Variants in STKLD1 observed in about 807,000 individuals in gnomAD.
STKLD1 encodes the protein serine/threonine kinase-like domain-containing protein STKLD1.
Under a neutral mutation model 80.4 loss-of-function variants are expected in STKLD1, and 79 were observed. The ratio of observed to expected loss-of-function variants is 0.98; its 90% confidence interval spans 0.82 to 1.19. STKLD1 has a LOEUF of 1.19. Ranked by LOEUF, STKLD1 falls within the 50% of genes most tolerant of loss-of-function variation. The probability of loss-of-function intolerance (pLI) is 0.00; values close to 1 mark genes in which losing one functional copy is unlikely to be tolerated. For synonymous variants in STKLD1, 393 were observed against 357.6 expected, an observed-to-expected ratio of 1.10 and a Z score of -1.12; for missense variants, 841 against 856.0, an observed-to-expected ratio of 0.98 and a Z score of 0.22.
intron 4 of STKLD1, 88 bp from the exon 5 acceptor site, chr9:133,387,359 C>A (rs1838286699): frequency 1.6e-5 from 17 of 1,045,300 alleles, no homozygotes; most frequent in Non-Finnish European, 2.5e-5. Flanking sequence ...CAAATGGCAG[C>A]TGAGCGCAGG....
chr9:133,404,986 C>T, intron 17 of STKLD1, 57 bp downstream of exon 17: 2 of 1,592,368 alleles, frequency 1.3e-6, no homozygotes, highest in Non-Finnish European at 1.7e-6. Flanking sequence ...GGGTGCCCCG[C>T]TCCCCCTATA....
intron 5 of STKLD1, chr9:133,388,864 G>C: frequency 1.0e-6 from 1 of 985,404 alleles, no homozygotes; most frequent in Non-Finnish European, 1.2e-6. Flanking sequence ...CAGGCCCGGA[G>C]TGAGTTTCAG....
intron 8 of STKLD1, 82 bp from the exon 9 acceptor site, chr9:133,395,518 T>A: frequency 6.8e-7 from 1 of 1,465,944 alleles, no homozygotes; most frequent in South Asian, 1.3e-5. Context: ...GATTTCTTGG[T>A]CCCTGGTCGT....
chr9:133,403,869 G>T lies in STKLD1; in HGVS notation c.1603+41G>T, dbSNP rs377530250. 2.5e-5 allele frequency: 40 copies of T among 1,611,442 alleles called. No homozygotes were observed. The Admixed American group carries it at 3.0e-4, about 12-fold the overall frequency. On this transcript the variant is annotated intron_variant, in intron 15 of 17. Transcript: ENST00000371957. Reference sequence around the variant, plus strand: ...GCCCTGGGCCCCTGGGGCTGGGAGGGGTGGGCCTCATGGCACAGCAGGCAC... The same window carrying T: ...GCCCTGGGCCCCTGGGGCTGGGAGGTGTGGGCCTCATGGCACAGCAGGCAC...
intron 2 of STKLD1, among the ~76,000 whole-genome samples, chr9:133,380,228 G>T (rs1204400504): frequency 6.6e-6 from 1 of 152,080 alleles, no homozygotes; most frequent in African/African-American, 2.4e-5. Flanking sequence ...TAGAGACAGG[G>T]TTTCACCGTG....
At position 133,405,485 on chromosome 9, in the gene STKLD1, C is replaced by A; in HGVS notation, c.*64C>A. On this transcript the variant is annotated 3_prime_UTR_variant, in exon 18 of 18. Transcript: ENST00000371957. Reference sequence around the variant, plus strand: ...GTTTTCAAGACTGCTCTCCTGCCTGCCTATTATCCCATCTCTATGACTGGG... The same window carrying A: ...GTTTTCAAGACTGCTCTCCTGCCTGACTATTATCCCATCTCTATGACTGGG... 2.7e-6 allele frequency: 4 copies of A among 1,485,912 alleles called. No homozygotes were observed. The highest frequency in any genetic ancestry group is 2.7e-6 in the Non-Finnish European group (3 of 1,111,732). 92.0% of individuals were successfully genotyped at this position (1,485,912 alleles called of 1,614,324 possible).
intron 17 of STKLD1, 46 bp downstream of exon 17, chr9:133,404,975 G>A: frequency 1.3e-6 from 2 of 1,599,716 alleles, no homozygotes; most frequent in Non-Finnish European, 1.7e-6. Flanking sequence ...CCAGCGGTCA[G>A]GGGTGCCCCG....
At chr9:133,395,980 AC>A (rs35571893) in intron 9 of STKLD1, 1 of 456,184 alleles carries the variant, frequency 2.2e-6, no homozygotes, top group South Asian at 4.5e-5. Context: ...GAGCAGACTG[AC>A]CCCCAGGAGG....
At position 133,389,411 on chromosome 9, in the gene STKLD1, T is replaced by C; in HGVS notation, c.397-115T>C. 1 of 1,493,918 alleles carries C rather than the reference T, an allele frequency of 6.7e-7. No individual in the cohort carries two copies. The highest frequency in any genetic ancestry group is 9.0e-7 in the Non-Finnish European group (1 of 1,117,290). 92.5% of individuals were successfully genotyped at this position (1,493,918 alleles called of 1,614,324 possible). ...GAGCGCTTGGCTGGCTTCAGGCCTGTCTCAAGATGCAAGGAGAGGATACAC... is the reference window on the plus strand; with the variant it reads ...GAGCGCTTGGCTGGCTTCAGGCCTGCCTCAAGATGCAAGGAGAGGATACAC... On this transcript the variant is annotated intron_variant, in intron 5 of 17. Transcript: ENST00000371957. The surrounding 1 kb of genome is among the most constrained non-coding windows in gnomAD (Gnocchi z 6.4).
chr9:133,404,675 CTT>C, intron 16 of STKLD1, 112 bp from the exon 17 acceptor site: 1 of 1,452,790 alleles, frequency 6.9e-7, no homozygotes, highest in Non-Finnish European at 9.2e-7. Flanking sequence ...GGTCCCGTCT[CTT>C]GTCCTGTCCC....
Position 133,403,706 on chromosome 9 carries a change from T to A in STKLD1, c.1481T>A (p.Ile494Asn), listed in dbSNP as rs780131116. 1.7e-5 allele frequency: 27 copies of A among 1,613,342 alleles called. No homozygotes were observed. The highest frequency in any genetic ancestry group is 2.3e-5 in the Non-Finnish European group (27 of 1,179,704). ...LLWALLLDGI[I>N]VNKAPLEKVP... ...ATCCCTGTCCTCGTTCCAGGTATCATTGTGAACAAGGCCCCCTTGGAGAAG... is the reference window on the plus strand; with the variant it reads ...ATCCCTGTCCTCGTTCCAGGTATCAATGTGAACAAGGCCCCCTTGGAGAAG... The change falls in exon 15 of 18, where the codon ATT becomes AAT. Residue 494 changes from isoleucine to asparagine, a missense_variant. Coordinates refer to ENST00000371957, the MANE Select transcript of STKLD1 (RefSeq NM_153710.5).
At chr9:133,401,266 A>G (rs35764394) in intron 12 of STKLD1, among the ~76,000 whole-genome samples, 17,814 of 151,542 alleles carry the variant, frequency 0.12, 1,381 homozygotes, top group African/African-American at 0.22. Flanking sequence ...AGCCTCCTGA[A>G]TAGCTGGGAC....
At position 133,390,806 on chromosome 9, in the gene STKLD1, G is replaced by T; in HGVS notation, c.583+10G>T. 6.2e-7 allele frequency: 1 copy of T among 1,607,526 alleles called. No individual in the cohort carries two copies. Among genetic ancestry groups the T allele is most frequent in the South Asian group, 1.1e-5 (1 of 90,986 alleles). ...ATTCGTGCGGAGGAAGGTGGCAGGGGCTCCCCCAGGTTGTGGGAGAGGGGG... is the reference window on the plus strand; with the variant it reads ...ATTCGTGCGGAGGAAGGTGGCAGGGTCTCCCCCAGGTTGTGGGAGAGGGGG... On this transcript the variant is annotated intron_variant, in intron 7 of 17. Transcript: ENST00000371957. This position sits in a 1 kb window ranked among gnomAD's most constrained non-coding sequence, Gnocchi z 5.1.
At chr9:133,398,671 C>T (rs1838621365) in intron 11 of STKLD1, among the ~76,000 whole-genome samples, 1 of 152,038 alleles carries the variant, frequency 6.6e-6, no homozygotes, top group Non-Finnish European at 1.5e-5. Context: ...CCTAGCTACT[C>T]AGGAGGCTGA....
intron 1 of STKLD1, among the ~76,000 whole-genome samples, chr9:133,377,116 T>C (rs1267821003): frequency 6.6e-6 from 1 of 152,150 alleles, no homozygotes; most frequent in East Asian, 1.9e-4. Context: ...TTTTGTCACT[T>C]TGGAAGAATT....
In STKLD1 at chr9:133,404,329, G is replaced by A. The variant is rs192728480; in HGVS notation, c.1732+281G>A. On this transcript the variant is annotated intron_variant, in intron 16 of 17. Transcript: ENST00000371957. ...AGGTTTCCTAACATGCAGGCACACC[G>A]TGACTGATCAAAACAGCTCTGCAAA... 3.9e-4 allele frequency among the ~76,000 whole-genome samples: 59 copies of A among 152,196 alleles called. No individual in the cohort carries two copies. The East Asian group carries it at 8.3e-3, about 21-fold the overall frequency.
At chr9:133,400,571 C>T (rs190082001) in intron 12 of STKLD1, 42 bp downstream of exon 12, 20 of 1,502,988 alleles carry the variant, frequency 1.3e-5, no homozygotes, top group African/African-American at 2.7e-5. Flanking sequence ...GGAGGCTGTG[C>T]GCTGCTTCCT....
In STKLD1 at chr9:133,398,076, C is replaced by CT. The variant is rs1564382846; in HGVS notation, c.1081+24dup. On this transcript the variant is annotated intron_variant, in intron 11 of 17. Transcript: ENST00000371957. ...GCTAGGTAGGCCCCACCCTGCACCC[C>CT]TTTCCCAGCTGCTCCCCTAGGGGCA... 1.9e-6 allele frequency: 3 copies of CT among 1,608,770 alleles called. No homozygotes were observed. In the South Asian group the frequency reaches 3.3e-5, roughly 18 times the overall value.
At position 133,398,011 on chromosome 9, in the gene STKLD1, T is replaced by A; in HGVS notation, c.1037T>A (p.Leu346His). 6.2e-7 allele frequency: 1 copy of A among 1,613,668 alleles called. No homozygotes were observed. Among genetic ancestry groups the A allele is most frequent in the Non-Finnish European group, 8.5e-7 (1 of 1,179,926 alleles). The change falls in exon 11 of 18, where the codon CTC becomes CAC. Residue 346 changes from leucine to histidine, a missense_variant. Coordinates refer to ENST00000371957, the MANE Select transcript of STKLD1 (RefSeq NM_153710.5). ...TTCTCTGGCTGGCCCGAAGTCCAGC[T>A]CAGGGCCATGAAGAGGCTTCTGAAA... ...QKFSGWPEVQ[L>H]RAMKRLLKMP...
Sources: allele counts gnomAD v4.1 joint callset (sites outside exome capture counted in the v4.1 genomes callset), GRCh38; gene constraint gnomAD v4.1.1; non-coding constraint Gnocchi (gnomAD v3.1); transcripts MANE v1.5; gene names NCBI Gene and HGNC (gene_info 2026-07-23, HGNC 2026-07-21).